CAST: variants seen among roughly 807,000 people sequenced by gnomAD.
CAST encodes MIR583 host.
Under a neutral mutation model 119.6 loss-of-function variants are expected in CAST, and 76 were observed. That is an observed-to-expected ratio of 0.64 (90% CI 0.53 to 0.77). The LOEUF is 0.77. Ranked by LOEUF, CAST falls within the 30% of genes least tolerant of loss-of-function variation. CAST has a pLI of 0.00. For synonymous variants in CAST, 319 were observed against 331.6 expected (o/e 0.96, Z 0.41); for missense variants, 953 against 946.5 (o/e 1.01, Z -0.09).
the CAST span, among the ~76,000 whole-genome samples, chr5:96,102,442 C>T: frequency 6.6e-6 from 1 of 152,078 alleles, no homozygotes. Context: ...AGTCTGGGGT[C>T]TTTATAGGCA....
At chr5:96,367,614 C>T in the CAST span, among the ~76,000 whole-genome samples, 305 of 152,228 alleles carry the variant, frequency 2.0e-3, 2 homozygotes, top group Admixed American at 4.3e-3. Context: ...GGTGTGGGAC[C>T]CTCCGTGCCA....
chr5:96,292,830 C>T, the CAST span, among the ~76,000 whole-genome samples: 1 of 152,190 alleles, frequency 6.6e-6, no homozygotes, highest in African/African-American at 2.4e-5. Context: ...TAGGGAGCGA[C>T]ACTTAATTCT....
chr5:96,613,349 T>C (rs1490532135), intron 1 of CAST, among the ~76,000 whole-genome samples: 1 of 152,198 alleles, frequency 6.6e-6, no homozygotes, highest in African/African-American at 2.4e-5. Flanking sequence ...TTCTCGAAGG[T>C]CTTTCAATGA....
chr5:96,478,502 C>T, the CAST span, among the ~76,000 whole-genome samples: 1 of 152,220 alleles, frequency 6.6e-6, no homozygotes, highest in Non-Finnish European at 1.5e-5. Flanking sequence ...GCTGTCACTT[C>T]TCTGGAAGGT....
chr5:96,178,092 A>G, the CAST span, among the ~76,000 whole-genome samples: 2 of 152,268 alleles, frequency 1.3e-5, no homozygotes, highest in Non-Finnish European at 2.9e-5. Flanking sequence ...ATATCTGGAC[A>G]TAAAAGTAGG....
At chr5:96,403,264 C>CTTT in the CAST span, among the ~76,000 whole-genome samples, 1 of 152,006 alleles carries the variant, frequency 6.6e-6, no homozygotes, top group African/African-American at 2.4e-5. Context: ...ACCTATTTTT[C>CTTT]TTTTTTTATT....
chr5:96,744,493 A>G (rs1354586947), intron 16 of CAST, among the ~76,000 whole-genome samples: 4 of 152,198 alleles, frequency 2.6e-5, no homozygotes, highest in Admixed American at 6.5e-5. Context: ...CCATGATTCA[A>G]TTACCTCCCA....
the CAST span, among the ~76,000 whole-genome samples, chr5:96,047,048 C>A: frequency 2.0e-4 from 31 of 152,240 alleles, no homozygotes; most frequent in Admixed American, 1.4e-3. Flanking sequence ...CATATCACAT[C>A]ATTCCTAAAG....
the CAST span, among the ~76,000 whole-genome samples, chr5:96,409,257 C>T: frequency 6.6e-6 from 1 of 152,114 alleles, no homozygotes; most frequent in South Asian, 2.1e-4. Context: ...GAAGTTCTAG[C>T]TCGAGATTTC....
chr5:96,006,491 T>C, the CAST span, among the ~76,000 whole-genome samples: 1 of 152,230 alleles, frequency 6.6e-6, no homozygotes, highest in Non-Finnish European at 1.5e-5. Context: ...TTGTGTGCTG[T>C]GTCATCGAGC....
At chr5:96,744,066 G>GA (rs2150534699) in intron 16 of CAST, among the ~76,000 whole-genome samples, 1 of 152,078 alleles carries the variant, frequency 6.6e-6, no homozygotes, top group East Asian at 1.9e-4. Flanking sequence ...CAGATGTTAA[G>GA]AAAAAAAGTG....
At chr5:96,401,405 G>A in the CAST span, among the ~76,000 whole-genome samples, 1 of 152,324 alleles carries the variant, frequency 6.6e-6, no homozygotes, top group South Asian at 2.1e-4. Context: ...AGGCAGTGAG[G>A]AGTATTGGGC....
the CAST span, among the ~76,000 whole-genome samples, chr5:96,002,592 A>G: frequency 2.0e-5 from 3 of 152,174 alleles, no homozygotes; most frequent in Admixed American, 6.5e-5. Context: ...AGCAGAAGGT[A>G]TAAAGATTGA....
chr5:95,968,837 T>C, the CAST span, among the ~76,000 whole-genome samples: 2 of 152,042 alleles, frequency 1.3e-5, no homozygotes, highest in African/African-American at 4.8e-5. Flanking sequence ...CCCTTATAGG[T>C]TAGAATATTT....
intron 3 of CAST, among the ~76,000 whole-genome samples, chr5:96,718,044 T>C (rs1038803279): frequency 2.0e-5 from 3 of 152,074 alleles, no homozygotes; most frequent in Non-Finnish European, 2.9e-5. Flanking sequence ...AAGGATGTAA[T>C]GGTGATAAGG....
At chr5:96,429,119 A>G in the CAST span, 2 of 733,352 alleles carry the variant, frequency 2.7e-6, no homozygotes, top group Non-Finnish European at 2.4e-6. Flanking sequence ...TAAAAAAAAA[A>G]CCACATTTGC....
At chr5:96,746,542 C>T in intron 17 of CAST, 117 bp downstream of exon 17, 1 of 742,720 alleles carries the variant, frequency 1.3e-6, no homozygotes, top group South Asian at 1.6e-5. Context: ...GATATTAACT[C>T]TGAAAACCCT....
At chr5:96,189,437 C>A in the CAST span, among the ~76,000 whole-genome samples, 1 of 152,180 alleles carries the variant, frequency 6.6e-6, no homozygotes, top group Non-Finnish European at 1.5e-5. Flanking sequence ...TGTCTTTATT[C>A]CTCAATATAT....
At chr5:96,752,629 A>G (rs1278284348) in intron 20 of CAST, among the ~76,000 whole-genome samples, 2 of 125,986 alleles carry the variant, frequency 1.6e-5, no homozygotes, top group Non-Finnish European at 3.1e-5. Context: ...TGCAGTATTC[A>G]GCCACTAGGT....
Sources: allele counts gnomAD v4.1 joint callset (sites outside exome capture counted in the v4.1 genomes callset), GRCh38; gene constraint gnomAD v4.1.1; transcripts MANE v1.5; gene names NCBI Gene and HGNC (gene_info 2026-07-23, HGNC 2026-07-21).